Variants in SPEF2 observed in about 807,000 individuals in gnomAD.
SPEF2 encodes the protein sperm flagellar and cilia associated 2.
Under a neutral mutation model 224.6 loss-of-function variants are expected in SPEF2, and 187 were observed. That is an observed-to-expected ratio of 0.83 (90% CI 0.74 to 0.94). The LOEUF (loss-of-function observed/expected upper bound fraction) is 0.94. Ranked by LOEUF, SPEF2 falls within the 40% of genes least tolerant of loss-of-function variation. The probability of loss-of-function intolerance (pLI) is 0.00; values close to 1 mark genes in which losing one functional copy is unlikely to be tolerated. For synonymous variants in SPEF2, 715 were observed against 707.3 expected, an observed-to-expected ratio of 1.01 and a Z score of -0.17; for missense variants, 2,170 against 2,135.6, an observed-to-expected ratio of 1.02 and a Z score of -0.32.
intron 10 of SPEF2, among the ~76,000 whole-genome samples, chr5:35,685,085 A>C (rs1014102751): frequency 5.3e-5 from 8 of 152,176 alleles, no homozygotes; most frequent in African/African-American, 1.9e-4. Context: ...TGAACAGTGC[A>C]GATTATTATT....
chr5:35,752,894 C>G (rs1561308615), intron 23 of SPEF2, among the ~76,000 whole-genome samples: 1 of 150,604 alleles, frequency 6.6e-6, no homozygotes, highest in Non-Finnish European at 1.5e-5. Context: ...TGAAAGGACT[C>G]TATGTGATAA....
chr5:35,636,717 G>A (rs1561108510), intron 2 of SPEF2, among the ~76,000 whole-genome samples: 1 of 152,106 alleles, frequency 6.6e-6, no homozygotes, highest in Non-Finnish European at 1.5e-5. Flanking sequence ...GCTAATGCCT[G>A]TAATCCCAAC....
In SPEF2 at chr5:35,691,165, A is replaced by G. The variant is rs1239587871; in HGVS notation, c.1653A>G (p.Thr551=). 8 of 1,614,078 alleles carry G rather than the reference A, an allele frequency of 5.0e-6. No individual in the cohort carries two copies. Among genetic ancestry groups the G allele is most frequent in the South Asian group, 1.1e-5 (1 of 91,076 alleles). The part of the protein sequence containing the change: ...EKSLPPRAES[T]TPELPSFAVK... ...CTCTTCCTCCTCGAGCGGAATCAACAACACCTGAATTACCTTCATTTGCTG... is the reference window on the plus strand; with the variant it reads ...CTCTTCCTCCTCGAGCGGAATCAACGACACCTGAATTACCTTCATTTGCTG... The change falls in exon 11 of 37, where the codon ACA becomes ACG. Residue 551 remains threonine, a synonymous_variant. Coordinates refer to ENST00000356031, the MANE Select transcript of SPEF2 (RefSeq NM_024867.4).
At chr5:35,730,401 C>G (rs1350969652) in intron 21 of SPEF2, among the ~76,000 whole-genome samples, 1 of 152,246 alleles carries the variant, frequency 6.6e-6, no homozygotes, top group African/African-American at 2.4e-5. Flanking sequence ...CATGTAGTGC[C>G]CTCACTCACA....
At chr5:35,764,684 C>T in intron 26 of SPEF2, 1 of 456,196 alleles carries the variant, frequency 2.2e-6, no homozygotes, top group Non-Finnish European at 4.4e-6. Context: ...CCTTGCAGCA[C>T]AGATCTCACA....
At chr5:35,625,094 T>C (rs1394115857) in intron 1 of SPEF2, among the ~76,000 whole-genome samples, 1 of 152,238 alleles carries the variant, frequency 6.6e-6, no homozygotes, top group Non-Finnish European at 1.5e-5. Context: ...TCATTTGCTG[T>C]ATTCGTCACT....
intron 1 of SPEF2, among the ~76,000 whole-genome samples, chr5:35,619,784 A>G (rs1356467115): frequency 3.9e-5 from 6 of 152,240 alleles, no homozygotes; most frequent in Non-Finnish European, 7.3e-5. Context: ...GAAATAAATG[A>G]AATTAATAAA....
chr5:35,667,306 G>A, intron 9 of SPEF2, 47 bp downstream of exon 9: 3 of 1,454,646 alleles, frequency 2.1e-6, no homozygotes, highest in Non-Finnish European at 2.8e-6. Context: ...TAGAGAATGA[G>A]GAAGGATAAG....
At chr5:35,635,163 T>C (rs1048952070) in intron 2 of SPEF2, among the ~76,000 whole-genome samples, 3 of 152,060 alleles carry the variant, frequency 2.0e-5, no homozygotes, top group Non-Finnish European at 4.4e-5. Flanking sequence ...TTGACCTGTC[T>C]TTGGGTTCTC....
At chr5:35,769,653 C>G (rs1005298739) in intron 26 of SPEF2, among the ~76,000 whole-genome samples, 1 of 152,198 alleles carries the variant, frequency 6.6e-6, no homozygotes, top group South Asian at 2.1e-4. Context: ...CTGGGAAGCA[C>G]GAGGCCCCTT....
chr5:35,672,540 T>A (rs923498481), intron 10 of SPEF2, among the ~76,000 whole-genome samples: 1 of 151,788 alleles, frequency 6.6e-6, no homozygotes, highest in African/African-American at 2.4e-5. Flanking sequence ...TTGAAACATT[T>A]ATTTTTTGCT....
intron 2 of SPEF2, 117 bp from the exon 3 acceptor site, chr5:35,641,314 C>T: frequency 8.4e-7 from 1 of 1,191,932 alleles, no homozygotes; most frequent in Non-Finnish European, 1.2e-6. Context: ...AGGAATGATA[C>T]AGCTAAAAGG....
At chr5:35,717,624 A>G (rs7705527) in intron 20 of SPEF2, among the ~76,000 whole-genome samples, 112,370 of 151,676 alleles carry the variant, frequency 0.74, 42,128 homozygotes, top group Middle Eastern at 0.83. Context: ...AAAAAAGAGG[A>G]AAACGGACTC....
In SPEF2 at chr5:35,758,929, C is replaced by G. The variant is rs1206040904; in HGVS notation, c.3469-639C>G. 3.8e-5 allele frequency among the ~76,000 whole-genome samples: 5 copies of G among 130,990 alleles called. No individual in the cohort carries two copies. The East Asian group carries it at 1.2e-3, about 32-fold the overall frequency. 85.9% of individuals were successfully genotyped at this position (130,990 alleles called of 152,430 possible). Reference sequence around the variant, plus strand: ...GCTGAGGCAGGAAAATCGCTTGAACCTAGGAGGTGGAGGTTGCAATGAGCT... The same window carrying G: ...GCTGAGGCAGGAAAATCGCTTGAACGTAGGAGGTGGAGGTTGCAATGAGCT... On this transcript the variant is annotated intron_variant, in intron 24 of 36. Transcript: ENST00000356031.
intron 16 of SPEF2, among the ~76,000 whole-genome samples, chr5:35,701,466 A>G (rs1738625866): frequency 6.6e-6 from 1 of 152,170 alleles, no homozygotes; most frequent in African/African-American, 2.4e-5. Flanking sequence ...AATCTGGCAC[A>G]TGATAATAAG....
intron 11 of SPEF2, among the ~76,000 whole-genome samples, chr5:35,691,646 G>A (rs1754500027): frequency 1.3e-5 from 2 of 151,994 alleles, no homozygotes; most frequent in South Asian, 4.2e-4. Context: ...TTCCTTTTAG[G>A]GTGATTAAAA....
chr5:35,671,528 T>G (rs191022322), intron 10 of SPEF2: 124 of 982,984 alleles, frequency 1.3e-4, no homozygotes, highest in Non-Finnish European at 9.3e-5. Flanking sequence ...CAACCTGTGT[T>G]AAGGTATTTC....
intron 2 of SPEF2, among the ~76,000 whole-genome samples, chr5:35,630,380 A>G (rs1349385585): frequency 6.6e-6 from 1 of 152,186 alleles, no homozygotes; most frequent in Non-Finnish European, 1.5e-5. Context: ...TGAGGGCTCC[A>G]TGCCTGCAGC....
chr5:35,630,513 G>A (rs1025410028), intron 2 of SPEF2, among the ~76,000 whole-genome samples: 2 of 152,026 alleles, frequency 1.3e-5, no homozygotes, highest in African/African-American at 2.4e-5. Flanking sequence ...TGGCTAACAC[G>A]GTGAAACCCC....
Sources: allele counts gnomAD v4.1 joint callset (sites outside exome capture counted in the v4.1 genomes callset), GRCh38; gene constraint gnomAD v4.1.1; transcripts MANE v1.5; gene names NCBI Gene and HGNC (gene_info 2026-07-23, HGNC 2026-07-21).